The following AGPS variants were observed in gnomAD, a reference collection of about 807,000 sequenced individuals.
AGPS encodes the protein alkylglycerone phosphate synthase.
AGPS carries 26 observed loss-of-function variants against 90.7 expected under a neutral mutation model. That is an observed-to-expected ratio of 0.29 (90% CI 0.21 to 0.40). AGPS has a LOEUF of 0.40. Ranked by LOEUF, AGPS falls within the 10% of genes least tolerant of loss-of-function variation. The pLI is 1.00. For synonymous variants in AGPS, 294 were observed against 285.3 expected (o/e 1.03, Z -0.31); for missense variants, 540 against 816.1 (o/e 0.66, Z 4.12).
At chr2:177,483,521 T>G (rs1056777495) in intron 11 of AGPS, among the ~76,000 whole-genome samples, 6 of 152,150 alleles carry the variant, frequency 3.9e-5, no homozygotes, top group African/African-American at 7.2e-5. Flanking sequence ...TACTCCTGGG[T>G]AGGGAGAGGA....
In AGPS at chr2:177,505,675, T is replaced by G. The variant is rs553898887; in HGVS notation, c.1545+100T>G. 1.0e-5 allele frequency: 11 copies of G among 1,055,124 alleles called. No homozygotes were observed. The South Asian group carries it at 1.4e-4, about 14-fold the overall frequency. The allele number at this position is 1,055,124 out of a possible 1,614,324, so 65.4% of individuals were successfully genotyped here. On this transcript the variant is annotated intron_variant, in intron 15 of 19. Coordinates refer to ENST00000264167, the MANE Select transcript of AGPS (RefSeq NM_003659.4). ...AATTGTCTTCCCTATTTTTTAAAAT[T>G]TTAAGCTACTGTAATTTAGCATATC...
intron 10 of AGPS, among the ~76,000 whole-genome samples, chr2:177,478,572 C>T (rs563620725): frequency 6.6e-6 from 1 of 152,078 alleles, no homozygotes; most frequent in African/African-American, 2.4e-5. Context: ...CTCTATACAT[C>T]TATCTTCAAG....
intron 10 of AGPS, among the ~76,000 whole-genome samples, chr2:177,472,485 G>T (rs1480331138): frequency 6.6e-6 from 1 of 151,964 alleles, no homozygotes; most frequent in African/African-American, 2.4e-5. Context: ...CTTGATTGAT[G>T]ATATTTAATT....
intron 15 of AGPS, among the ~76,000 whole-genome samples, chr2:177,506,428 A>G (rs1183147475): frequency 6.6e-6 from 1 of 151,852 alleles, no homozygotes; most frequent in Non-Finnish European, 1.5e-5. Context: ...TAATATGTAA[A>G]GATCAAATCA....
intron 17 of AGPS, among the ~76,000 whole-genome samples, chr2:177,516,090 G>A (rs1239215112): frequency 3.3e-5 from 5 of 152,086 alleles, no homozygotes; most frequent in African/African-American, 4.8e-5. Flanking sequence ...CTTAACAAAC[G>A]TGTGCATAGA....
chr2:177,452,476 T>G (rs1686980520), intron 8 of AGPS, among the ~76,000 whole-genome samples: 1 of 152,236 alleles, frequency 6.6e-6, no homozygotes, highest in Non-Finnish European at 1.5e-5. Flanking sequence ...CTGCTTTTTC[T>G]GATACTAAAA....
chr2:177,446,466 A>G (rs1263977820), intron 8 of AGPS, among the ~76,000 whole-genome samples: 1 of 152,114 alleles, frequency 6.6e-6, no homozygotes, highest in Admixed American at 6.5e-5. Flanking sequence ...GGGTCTGCAG[A>G]TAGCTGAATA....
chr2:177,420,581 TA>T (rs1326377586), intron 2 of AGPS, among the ~76,000 whole-genome samples: 3 of 151,628 alleles, frequency 2.0e-5, no homozygotes, highest in African/African-American at 7.2e-5. Flanking sequence ...TTATATGTCT[TA>T]AAAAATAAGG....
intron 9 of AGPS, among the ~76,000 whole-genome samples, chr2:177,466,691 C>A (rs913467085): frequency 1.3e-5 from 2 of 152,258 alleles, no homozygotes; most frequent in African/African-American, 4.8e-5. Context: ...CATGCGCACA[C>A]CCGGCTGGGT....
chr2:177,395,921 G>A lies in AGPS; in HGVS notation c.260+2872G>A, dbSNP rs181479257. On this transcript the variant is annotated intron_variant, in intron 1 of 19. Transcript: ENST00000264167. ...TTTATAGAGTAGTTGCTTTATGAAG[G>A]TCCTGTCCTAGGCATTGGAGGTAAA... is the stretch of plus-strand genomic sequence containing the variant. Among the ~76,000 whole-genome samples the A allele has an allele frequency of 1.6e-3, 242 of 152,312 alleles. 1 individual carries two copies. Among genetic ancestry groups the A allele is most frequent in the Middle Eastern group, 0.01 (3 of 294 alleles).
At chr2:177,510,827 C>T (rs1688847154) in intron 16 of AGPS, among the ~76,000 whole-genome samples, 2 of 152,092 alleles carry the variant, frequency 1.3e-5, no homozygotes. Context: ...TTTGCAGTAG[C>T]CCATGGGATC....
rs1436863175 is a variant in AGPS, at chr2:177,423,311, A to T, written c.350+2953A>T. Among the ~76,000 whole-genome samples the T allele has an allele frequency of 9.8e-4, 16 of 16,358 alleles. 7 individuals carry two copies. The highest frequency in any genetic ancestry group is 1.8e-3 in the African/African-American group (14 of 7,996). 10.7% of individuals were successfully genotyped at this position (16,358 alleles called of 152,430 possible). On this transcript the variant is annotated intron_variant, in intron 2 of 19. Transcript: ENST00000264167. ...GAAAATGGAATTCATGACTACGAAG[A>T]CTGAGTACAAGAAAACACTGTTTGG...
intron 3 of AGPS, among the ~76,000 whole-genome samples, chr2:177,434,660 C>T (rs1385195293): frequency 6.6e-6 from 1 of 151,962 alleles, no homozygotes; most frequent in African/African-American, 2.4e-5. Context: ...CCTCTCTGAG[C>T]CTTGGTTATT....
chr2:177,434,486 C>A, intron 3 of AGPS, 69 bp downstream of exon 3: 2 of 1,165,744 alleles, frequency 1.7e-6, no homozygotes, highest in East Asian at 4.9e-5. Context: ...TTTGATTTAT[C>A]TTTGTAATTC....
chr2:177,511,172 T>C (rs1688859625), intron 16 of AGPS, among the ~76,000 whole-genome samples: 1 of 152,128 alleles, frequency 6.6e-6, no homozygotes, highest in Non-Finnish European at 1.5e-5. Context: ...TTATCACGGC[T>C]CACTGCAGCC....
chr2:177,493,083 A>T, intron 11 of AGPS, 65 bp from the exon 12 acceptor site: 1 of 1,378,396 alleles, frequency 7.3e-7, no homozygotes. Context: ...TAATATTCAC[A>T]TTCTACCTGT....
At chr2:177,500,902 G>A (rs1688544157) in intron 14 of AGPS, among the ~76,000 whole-genome samples, 1 of 151,984 alleles carries the variant, frequency 6.6e-6, no homozygotes. Flanking sequence ...ATTTTTGTTT[G>A]AATTTTTGAA....
chr2:177,535,493 A>C (rs1469072418), intron 19 of AGPS, among the ~76,000 whole-genome samples: 1 of 152,162 alleles, frequency 6.6e-6, no homozygotes, highest in Non-Finnish European at 1.5e-5. Context: ...GGGCATTATT[A>C]GTGGTGGTGT....
At chr2:177,507,129 G>C (rs957300066) in intron 15 of AGPS, among the ~76,000 whole-genome samples, 4 of 151,932 alleles carry the variant, frequency 2.6e-5, no homozygotes, top group Non-Finnish European at 5.9e-5. Context: ...GAATAAATGA[G>C]TGCATTAGAG....
Sources: allele counts gnomAD v4.1 joint callset (sites outside exome capture counted in the v4.1 genomes callset), GRCh38; gene constraint gnomAD v4.1.1; transcripts MANE v1.5; gene names NCBI Gene and HGNC (gene_info 2026-07-23, HGNC 2026-07-21).